The following CEP120 variants were observed in gnomAD, a reference collection of about 807,000 sequenced individuals.
CEP120 encodes centrosomal protein 120, also known as centrosomal protein of 120 kDa.
A neutral mutation model predicts 126.5 loss-of-function variants in CEP120; 113 were observed. That is an observed-to-expected ratio of 0.89 (90% CI 0.77 to 1.04). The LOEUF is 1.04. CEP120 is among the 50% of genes least tolerant of loss of function. CEP120 has a pLI of 0.00. For missense variants in CEP120, 1,230 were observed against 1,155.7 expected, an observed-to-expected ratio of 1.06 and a Z score of -0.93; for synonymous variants, 400 against 394.3, an observed-to-expected ratio of 1.01 and a Z score of -0.17.
intron 18 of CEP120, chr5:123,358,455 G>C (rs946721026): frequency 6.6e-6 from 1 of 152,050 alleles, no homozygotes; most frequent in Non-Finnish European, 1.5e-5. Flanking sequence ...GCTGAGGAGA[G>C]GATAAGATTG....
intron 18 of CEP120, 45 bp from the exon 19 acceptor site, chr5:123,350,134 C>T: frequency 6.6e-7 from 1 of 1,516,380 alleles, no homozygotes; most frequent in Non-Finnish European, 9.0e-7. Context: ...ATATTAGGAA[C>T]AAATATTTTA....
chr5:123,388,051 CT>C (rs201665075), intron 9 of CEP120, among the ~76,000 whole-genome samples: 613 of 48,254 alleles, frequency 0.013, 10 homozygotes, highest in East Asian at 0.1. Flanking sequence ...ATTATTATTA[CT>C]TTTTTTTGAC....
At chr5:123,370,837 C>G (rs754246854) in intron 17 of CEP120, among the ~76,000 whole-genome samples, 7 of 150,970 alleles carry the variant, frequency 4.6e-5, no homozygotes, top group African/African-American at 1.5e-4. Flanking sequence ...TTGAACTGAG[C>G]TCAAGCAATC....
intron 18 of CEP120, among the ~76,000 whole-genome samples, chr5:123,354,437 C>A (rs1300258970): frequency 1.3e-5 from 2 of 152,122 alleles, no homozygotes; most frequent in African/African-American, 4.8e-5. Flanking sequence ...AAATCTTCTA[C>A]ATTATTACTT....
At position 123,385,051 on chromosome 5, in the gene CEP120, T is replaced by C; in HGVS notation, c.1663A>G (p.Asn555Asp). 1.9e-6 allele frequency: 3 copies of C among 1,613,812 alleles called. No homozygotes were observed. The East Asian group carries it at 6.7e-5, about 36-fold the overall frequency. The change falls in exon 11 of 20, where the codon AAC (asparagine) becomes GAC (aspartate). Residue 555 changes from asparagine (N) to aspartate (D), a missense_variant. Coordinates refer to ENST00000306467, the MANE Select transcript of CEP120 (RefSeq NM_001375405.1). ...CGAGTTTTTTCTGAAGACAAGATGT[T>C]AGAAAGCTGGATTCTCGCAATTCCC... Reference protein sequence around the residue: ...LLGIARIQLSNILSSEKTRFL... With the variant: ...LLGIARIQLSDILSSEKTRFL...
At chr5:123,356,605 A>G (rs1487284141) in intron 18 of CEP120, among the ~76,000 whole-genome samples, 1 of 125,740 alleles carries the variant, frequency 8.0e-6, no homozygotes, top group African/African-American at 2.7e-5. Flanking sequence ...TCTCCTTTTA[A>G]TCAAATAATT....
chr5:123,375,341 G>A (rs76499408), intron 16 of CEP120, among the ~76,000 whole-genome samples: 32,707 of 149,020 alleles, frequency 0.22, 3,813 homozygotes, highest in Middle Eastern at 0.27. Flanking sequence ...TTTTTTTTTT[G>A]AGACACCGTC....
chr5:123,416,166 T>C (rs1036612381), intron 2 of CEP120, 42 bp from the exon 3 acceptor site: 2 of 1,157,834 alleles, frequency 1.7e-6, no homozygotes, highest in Non-Finnish European at 2.5e-6. Flanking sequence ...TTTTGCTTAA[T>C]AAACTTTCTA....
At chr5:123,383,196 C>T in intron 11 of CEP120, 114 bp from the exon 12 acceptor site, 1 of 627,080 alleles carries the variant, frequency 1.6e-6, no homozygotes. Flanking sequence ...CTGCTCCTAA[C>T]TCTATTGTTT....
At chr5:123,363,469 CT>C in intron 18 of CEP120, among the ~76,000 whole-genome samples, 1 of 150,228 alleles carries the variant, frequency 6.7e-6, no homozygotes, top group Non-Finnish European at 1.5e-5. Context: ...TAAGACACTG[CT>C]TTCAATACAG....
At chr5:123,414,808 T>C (rs1388043230) in intron 3 of CEP120, among the ~76,000 whole-genome samples, 1 of 149,654 alleles carries the variant, frequency 6.7e-6, no homozygotes, top group Admixed American at 6.6e-5. Flanking sequence ...CTACTAAAAA[T>C]TCAAAAAAAA....
At chr5:123,349,743 C>T (rs1472611542) in intron 19 of CEP120, among the ~76,000 whole-genome samples, 1 of 152,058 alleles carries the variant, frequency 6.6e-6, no homozygotes, top group African/African-American at 2.4e-5. Flanking sequence ...TGGGCTCAAA[C>T]GATCCTCCCA....
At chr5:123,349,137 T>C (rs115702627) in intron 19 of CEP120, among the ~76,000 whole-genome samples, 191 of 152,306 alleles carry the variant, frequency 1.3e-3, no homozygotes, top group African/African-American at 4.1e-3. Context: ...CATGAAACAC[T>C]TGAAGTTGTG....
rs1310898179 is a variant in CEP120, at chr5:123,393,451, A to T, written c.659T>A (p.Phe220Tyr). 1.1e-5 allele frequency: 18 copies of T among 1,614,056 alleles called. No individual in the cohort carries two copies. Among genetic ancestry groups the T allele is most frequent in the Non-Finnish European group, 1.4e-5 (16 of 1,180,012 alleles). ...MKLPERQPEF[F>Y]FYYSLLGNDV... ...ATTTCCCAGTAAAGAGTAGTAAAAG[A>T]AAAACTCAGGCTGTCTTTCTGGAAG... The change falls in exon 6 of 20, where the codon TTC becomes TAC. Residue 220 changes from phenylalanine (F) to tyrosine (Y), a missense_variant. Phe to Tyr is a conservative substitution (Grantham distance 22). Transcript: ENST00000306467.
intron 3 of CEP120, 44 bp from the exon 4 acceptor site, chr5:123,412,584 GA>G (rs757310699): frequency 1.4e-6 from 2 of 1,407,226 alleles, no homozygotes; most frequent in South Asian, 2.9e-5. Flanking sequence ...GTTAATAAGG[GA>G]AAAAACATAT....
chr5:123,406,852 G>A (rs11949531), intron 4 of CEP120, among the ~76,000 whole-genome samples: 66,630 of 151,456 alleles, frequency 0.44, 14,591 homozygotes, highest in East Asian at 0.47. Flanking sequence ...TGATCTAACA[G>A]ATAAAAGGTT....
At chr5:123,366,158 AT>A (rs948241839) in intron 17 of CEP120, among the ~76,000 whole-genome samples, 6 of 151,562 alleles carry the variant, frequency 4.0e-5, no homozygotes, top group African/African-American at 7.3e-5. Context: ...TTCCTAACTT[AT>A]TTTTTTTAAG....
chr5:123,345,081 C>T lies in CEP120; in HGVS notation c.*1438G>A, dbSNP rs540096346. On this transcript the variant is annotated 3_prime_UTR_variant, in exon 20 of 20. Coordinates refer to ENST00000306467, the MANE Select transcript of CEP120 (RefSeq NM_001375405.1). ...AAAGTAAACAGTCACAGCATTTTAC[C>T]GCAGACCTTCCAAAACATAAGGCTT... 5.1e-4 allele frequency: 78 copies of T among 152,174 alleles called. No individual in the cohort carries two copies. Among genetic ancestry groups the T allele is most frequent in the African/African-American group, 1.8e-3 (73 of 41,514 alleles). The allele number at this position is 152,174 out of a possible 1,614,324, so 9.4% of individuals were successfully genotyped here.
Position 123,392,383 on chromosome 5 carries a change from T to C in CEP120, c.810+917A>G, listed in dbSNP as rs184897950. The stretch of plus-strand genomic sequence containing the variant: ...TTCTACTAAAATTTCCTAATGCTTC[T>C]TCTCACCTCCTGTCCATTACTTTAT... On this transcript the variant is annotated intron_variant, in intron 6 of 19. Coordinates refer to ENST00000306467, the MANE Select transcript of CEP120 (RefSeq NM_001375405.1). Among the ~76,000 whole-genome samples the C allele has an allele frequency of 5.9e-5, 9 of 152,336 alleles. No individual in the cohort carries two copies. The East Asian group carries it at 1.7e-3, about 29-fold the overall frequency.
Sources: allele counts gnomAD v4.1 joint callset (sites outside exome capture counted in the v4.1 genomes callset), GRCh38; gene constraint gnomAD v4.1.1; transcripts MANE v1.5; gene names NCBI Gene and HGNC (gene_info 2026-07-23, HGNC 2026-07-21).